TMEM132B: variants seen among roughly 807,000 people sequenced by gnomAD.
TMEM132B encodes transmembrane protein 132B.
A neutral mutation model predicts 90.8 loss-of-function variants in TMEM132B; 18 were observed. The ratio of observed to expected loss-of-function variants is 0.20; its 90% confidence interval spans 0.14 to 0.29. The LOEUF (loss-of-function observed/expected upper bound fraction) is 0.29. TMEM132B is among the 10% of genes least tolerant of loss of function. TMEM132B has a pLI of 1.00. For missense variants in TMEM132B, 1,096 were observed against 1,326.8 expected, an observed-to-expected ratio of 0.83 and a Z score of 2.70; for synonymous variants, 504 against 523.3, an observed-to-expected ratio of 0.96 and a Z score of 0.50.
At chr12:125,636,332 C>G (rs1886478271) in intron 5 of TMEM132B, among the ~76,000 whole-genome samples, 1 of 98,878 alleles carries the variant, frequency 1.0e-5, no homozygotes, top group Admixed American at 1.0e-4. Context: ...AGCTAATTTT[C>G]CAGAGTTATT....
At chr12:125,307,820 A>G (rs1416293777) in intron 1 of TMEM132B, among the ~76,000 whole-genome samples, 3 of 932 alleles carry the variant, frequency 3.2e-3, no homozygotes, top group African/African-American at 4.8e-3. Context: ...TATAATACTT[A>G]TAAGTATATA....
chr12:125,467,929 T>A (rs947006837), intron 3 of TMEM132B, among the ~76,000 whole-genome samples: 5 of 152,246 alleles, frequency 3.3e-5, no homozygotes, highest in Non-Finnish European at 2.9e-5. Context: ...TCTCATAGCA[T>A]GTATCAGAAC....
intron 1 of TMEM132B, among the ~76,000 whole-genome samples, chr12:125,260,495 G>T (rs982991610): frequency 1.3e-5 from 2 of 151,100 alleles, no homozygotes; most frequent in Admixed American, 1.3e-4. Flanking sequence ...GGGACCATAG[G>T]TCTTGCTAAG....
intron 2 of TMEM132B, among the ~76,000 whole-genome samples, chr12:125,380,355 A>T (rs1450988622): frequency 2.6e-5 from 4 of 152,156 alleles, no homozygotes. Context: ...ACTCACTGTA[A>T]CCCAGGATGA....
At chr12:125,399,930 G>A (rs114107859) in intron 2 of TMEM132B, among the ~76,000 whole-genome samples, 413 of 152,308 alleles carry the variant, frequency 2.7e-3, no homozygotes, top group African/African-American at 9.6e-3. Context: ...AGCTTCACAG[G>A]CTGGATGGAG....
chr12:125,228,924 G>C (rs1183887470), intron 1 of TMEM132B, among the ~76,000 whole-genome samples: 1 of 152,210 alleles, frequency 6.6e-6, no homozygotes, highest in Non-Finnish European at 1.5e-5. Context: ...CTCCCTAAGA[G>C]AGGAGTGTAG....
At chr12:125,523,010 A>C (rs922900441) in intron 4 of TMEM132B, among the ~76,000 whole-genome samples, 14 of 152,212 alleles carry the variant, frequency 9.2e-5, no homozygotes, top group African/African-American at 3.4e-4. Flanking sequence ...GAGAGGAGCC[A>C]TGCTTGTTTT....
intron 1 of TMEM132B, among the ~76,000 whole-genome samples, chr12:125,266,415 G>C (rs549304553): frequency 6.6e-6 from 1 of 152,284 alleles, no homozygotes; most frequent in African/African-American, 2.4e-5. Context: ...AGTGGGCACT[G>C]GGTATTACCT....
At chr12:125,370,323 G>A (rs749683103) in intron 2 of TMEM132B, among the ~76,000 whole-genome samples, 59 of 152,294 alleles carry the variant, frequency 3.9e-4, no homozygotes, top group Non-Finnish European at 6.5e-4. Context: ...CAAGATAGCC[G>A]CTGCAGTTGT....
chr12:125,411,049 TG>T (rs1220866643), intron 2 of TMEM132B, among the ~76,000 whole-genome samples: 1 of 2,468 alleles, frequency 4.1e-4, no homozygotes, highest in Non-Finnish European at 7.8e-4. Context: ...TGGAGTGGAG[TG>T]GAGTGGAGTG....
chr12:125,262,712 CT>C (rs1207171254), intron 1 of TMEM132B, among the ~76,000 whole-genome samples: 1 of 152,194 alleles, frequency 6.6e-6, no homozygotes, highest in Non-Finnish European at 1.5e-5. Context: ...TTCCAGAGGG[CT>C]GTGTGTTTAG....
In TMEM132B at chr12:125,259,565, C is replaced by A. The variant is rs967267152; in HGVS notation, c.67+72699C>A. Among the ~76,000 whole-genome samples, 5 of 152,322 alleles carry A rather than the reference C, an allele frequency of 3.3e-5. No individual in the cohort carries two copies. The East Asian group carries it at 7.7e-4, about 24-fold the overall frequency. On this transcript the variant is annotated intron_variant, in intron 1 of 8. Transcript: ENST00000682704. ...GCCGTTGGGTCTTTTAAATGAAATTCTCTTTCCTGGGTTTGAAAAATGCTC... is the reference window on the plus strand; with the variant it reads ...GCCGTTGGGTCTTTTAAATGAAATTATCTTTCCTGGGTTTGAAAAATGCTC...
intron 1 of TMEM132B, among the ~76,000 whole-genome samples, chr12:125,320,612 T>G (rs185420668): frequency 6.6e-6 from 1 of 152,264 alleles, no homozygotes; most frequent in Admixed American, 6.5e-5. Flanking sequence ...TTTCCATTCC[T>G]GTGTTTAAGT....
At chr12:125,508,273 T>C (rs921411747) in intron 3 of TMEM132B, among the ~76,000 whole-genome samples, 1 of 152,214 alleles carries the variant, frequency 6.6e-6, no homozygotes, top group Admixed American at 6.5e-5. Context: ...ACTCTTCTGA[T>C]CTAGTGTTCT....
At chr12:125,383,758 G>T (rs188033688) in intron 2 of TMEM132B, among the ~76,000 whole-genome samples, 3 of 152,116 alleles carry the variant, frequency 2.0e-5, no homozygotes, top group Admixed American at 1.3e-4. Context: ...TATATACAAA[G>T]CTAAAGTTAT....
At chr12:125,262,304 T>A (rs1295791230) in intron 1 of TMEM132B, among the ~76,000 whole-genome samples, 1 of 150,966 alleles carries the variant, frequency 6.6e-6, no homozygotes, top group Admixed American at 6.6e-5. Flanking sequence ...GCACCTTTGG[T>A]CCCAGCTTGG....
intron 3 of TMEM132B, among the ~76,000 whole-genome samples, chr12:125,481,409 C>G (rs1192051354): frequency 1.3e-5 from 2 of 152,194 alleles, no homozygotes; most frequent in Non-Finnish European, 2.9e-5. Flanking sequence ...TCAGCAAAGT[C>G]TCAGGATACA....
Position 125,349,700 on chromosome 12 carries a change from C to A in TMEM132B, c.316C>A (p.Leu106Ile). Residue 106 changes from leucine (L) to isoleucine (I), a missense_variant, in exon 2 of 9, where the codon CTC becomes ATC. By Grantham distance (5) the Leu-to-Ile change is conservative (BLOSUM62 2). Transcript: ENST00000682704. This position sits in a 1 kb window ranked among gnomAD's most constrained non-coding sequence, Gnocchi z 4.1. ...AGTGGAGAAGATAATCCCCCAGGAG[C>A]TCCTGTTGACATCTACAGCCTTTGG... The part of the protein sequence containing the change: ...FSVEKIIPQE[L>I]LLTSTAFGNM... 6.2e-7 allele frequency: 1 copy of A among 1,614,206 alleles called. No homozygotes were observed. Among genetic ancestry groups the A allele is most frequent in the Non-Finnish European group, 8.5e-7 (1 of 1,180,032 alleles).
At chr12:125,462,041 G>T (rs776649359) in intron 3 of TMEM132B, among the ~76,000 whole-genome samples, 5 of 152,194 alleles carry the variant, frequency 3.3e-5, no homozygotes, top group Non-Finnish European at 7.3e-5. Context: ...ATGCTGATTG[G>T]CTGGGCTGGC....
Sources: gnomAD v4.1 joint callset for allele counts (sites outside exome capture counted in the v4.1 genomes callset) on GRCh38, gnomAD v4.1.1 for gene constraint, Gnocchi (gnomAD v3.1) non-coding constraint, MANE v1.5 for transcripts, NCBI Gene and HGNC (gene_info 2026-07-23, HGNC 2026-07-21) for gene names.